The following ADAMTSL3 variants were observed in gnomAD, a reference collection of about 807,000 sequenced individuals.
ADAMTSL3 encodes the protein ADAMTS-like protein 3.
ADAMTSL3 carries 128 observed loss-of-function variants against 201.7 expected under a neutral mutation model. The ratio of observed to expected loss-of-function variants is 0.63; its 90% CI spans 0.55 to 0.73. The LOEUF is 0.73. Among genes scored for constraint, ADAMTSL3 ranks in the 30% least tolerant of loss-of-function variants. The pLI, the probability that ADAMTSL3 is intolerant of heterozygous loss-of-function variation, is 0.00. For synonymous variants in ADAMTSL3, 738 were observed against 748.4 expected (o/e 0.99, Z 0.23); for missense variants, 1,990 against 2,119.6 (o/e 0.94, Z 1.20).
At chr15:83,689,382 G>A (rs2061582956) in intron 2 of ADAMTSL3, among the ~76,000 whole-genome samples, 1 of 152,150 alleles carries the variant, frequency 6.6e-6, no homozygotes, top group Admixed American at 6.5e-5. Flanking sequence ...CAGCAAAGGT[G>A]AATTTAGTTT....
At chr15:83,939,833 G>A (rs894417038) in intron 17 of ADAMTSL3, among the ~76,000 whole-genome samples, 6 of 152,040 alleles carry the variant, frequency 3.9e-5, no homozygotes, top group Non-Finnish European at 8.8e-5. Flanking sequence ...TGTTGGCCAG[G>A]CTGGTCTTGA....
chr15:83,723,302 T>G (rs777820253), intron 3 of ADAMTSL3, among the ~76,000 whole-genome samples: 3 of 152,096 alleles, frequency 2.0e-5, no homozygotes, highest in Admixed American at 2.0e-4. Context: ...GCAAACCCAG[T>G]GCTAGTGATG....
intron 12 of ADAMTSL3, among the ~76,000 whole-genome samples, 190 bp downstream of exon 12, chr15:83,891,569 G>A (rs2065499400): frequency 6.6e-6 from 1 of 152,186 alleles, no homozygotes. Flanking sequence ...TGCCTCAAAA[G>A]ATGATGTTTC....
chr15:84,028,085 G>A (rs2068342549), intron 27 of ADAMTSL3, among the ~76,000 whole-genome samples: 1 of 152,168 alleles, frequency 6.6e-6, no homozygotes. Flanking sequence ...CCGAGGCTTG[G>A]GGAAAGAAGC....
intron 2 of ADAMTSL3, among the ~76,000 whole-genome samples, chr15:83,683,558 A>G (rs1039987456): frequency 9.9e-5 from 15 of 152,210 alleles, no homozygotes; most frequent in African/African-American, 3.6e-4. Flanking sequence ...CCCTCACACA[A>G]TCTAGAGCAG....
chr15:83,879,722 T>C (rs2065237744), intron 9 of ADAMTSL3, among the ~76,000 whole-genome samples: 2 of 152,344 alleles, frequency 1.3e-5, no homozygotes, highest in South Asian at 2.1e-4. Context: ...CAATGTTCTA[T>C]GTATGTCAAT....
chr15:83,745,039 G>A (rs1328924786), intron 3 of ADAMTSL3, among the ~76,000 whole-genome samples: 4 of 152,154 alleles, frequency 2.6e-5, no homozygotes, highest in Non-Finnish European at 5.9e-5. Flanking sequence ...GGCCTGCCCT[G>A]CCCCACATCC....
At chr15:84,028,267 G>GA (rs914470046) in intron 27 of ADAMTSL3, among the ~76,000 whole-genome samples, 2 of 151,850 alleles carry the variant, frequency 1.3e-5, no homozygotes, top group Non-Finnish European at 2.9e-5. Context: ...GCCAAAAAAA[G>GA]AAAAAAGGCA....
At chr15:84,032,982 C>G (rs926011431) in intron 28 of ADAMTSL3, among the ~76,000 whole-genome samples, 5 of 152,132 alleles carry the variant, frequency 3.3e-5, no homozygotes, top group African/African-American at 1.2e-4. Flanking sequence ...GGTTTGCAGT[C>G]TTTTAAAATT....
chr15:83,892,699 T>G lies in ADAMTSL3; in HGVS notation c.1278T>G (p.Pro426=), dbSNP rs755697306. ...TGCTTTTGAGCTGGGAACATAATCCTTGGACTGCATGTTCCGTGTCCTGTG... is the reference window on the plus strand; with the variant it reads ...TGCTTTTGAGCTGGGAACATAATCCGTGGACTGCATGTTCCGTGTCCTGTG... ...FQPLPRWEHN[P]WTACSVSCGG... Residue 426 remains proline (P), a synonymous_variant, in exon 13 of 30, where the codon CCT becomes CCG. Coordinates refer to ENST00000286744, the MANE Select transcript of ADAMTSL3 (RefSeq NM_207517.3). 1.9e-6 allele frequency: 3 copies of G among 1,613,694 alleles called. No individual in the cohort carries two copies. The highest frequency in any genetic ancestry group is 2.5e-6 in the Non-Finnish European group (3 of 1,179,878).
intron 27 of ADAMTSL3, among the ~76,000 whole-genome samples, chr15:84,026,704 CTT>C (rs1596552231): frequency 1.3e-5 from 2 of 152,110 alleles, no homozygotes; most frequent in South Asian, 4.1e-4. Context: ...GAAGAATAGT[CTT>C]TTAAACAAGT....
chr15:83,962,992 C>T (rs1221916982), intron 19 of ADAMTSL3, among the ~76,000 whole-genome samples: 1 of 152,222 alleles, frequency 6.6e-6, no homozygotes, highest in Non-Finnish European at 1.5e-5. Context: ...AGCCCAGGTA[C>T]TACACTTTTC....
rs188019260 is a variant in ADAMTSL3, at chr15:83,911,888, C to T, written c.1701-1204C>T. 2.6e-5 allele frequency among the ~76,000 whole-genome samples: 4 copies of T among 152,254 alleles called. No homozygotes were observed. In the East Asian group the frequency reaches 5.8e-4, roughly 22 times the overall value. ...AGTCATTTAGTAGAACATAATCCCA[C>T]GGACAAGGGTCTATATTCACTTAAG... On this transcript the variant is annotated intron_variant, in intron 15 of 29. Coordinates refer to ENST00000286744, the MANE Select transcript of ADAMTSL3 (RefSeq NM_207517.3).
At chr15:83,790,745 C>T (rs546342287) in intron 4 of ADAMTSL3, among the ~76,000 whole-genome samples, 8 of 152,060 alleles carry the variant, frequency 5.3e-5, no homozygotes, top group Middle Eastern at 3.2e-3. Context: ...TTTTTGTCTA[C>T]GTAGAAAATC....
chr15:83,703,049 A>G (rs1336359254), intron 2 of ADAMTSL3, among the ~76,000 whole-genome samples: 2 of 152,158 alleles, frequency 1.3e-5, no homozygotes, highest in South Asian at 4.2e-4. Context: ...TGACCTGGAC[A>G]TGAGACCTGG....
At chr15:84,030,225 G>T (rs1294156372) in intron 27 of ADAMTSL3, among the ~76,000 whole-genome samples, 1 of 152,152 alleles carries the variant, frequency 6.6e-6, no homozygotes, top group Non-Finnish European at 1.5e-5. Flanking sequence ...GACAGCTTGT[G>T]CTGTGTGCCT....
chr15:83,803,608 A>T (rs975382701), intron 4 of ADAMTSL3, among the ~76,000 whole-genome samples: 21 of 152,162 alleles, frequency 1.4e-4, no homozygotes, highest in African/African-American at 5.1e-4. Context: ...TAAGGAGTTT[A>T]TGTAAAATAT....
intron 25 of ADAMTSL3, among the ~76,000 whole-genome samples, chr15:84,016,922 A>G (rs903378776): frequency 6.6e-6 from 1 of 152,170 alleles, no homozygotes; most frequent in African/African-American, 2.4e-5. Flanking sequence ...AATCAGGAGA[A>G]CCTAATCTAA....
chr15:83,821,943 C>T (rs1451165146), intron 6 of ADAMTSL3, among the ~76,000 whole-genome samples: 2 of 148,114 alleles, frequency 1.4e-5, no homozygotes, highest in South Asian at 2.2e-4. Context: ...CCAGTAGGGG[C>T]GGCCGGGCAG....
Sources: gnomAD v4.1 joint callset for allele counts (sites outside exome capture counted in the v4.1 genomes callset) on GRCh38, gnomAD v4.1.1 for gene constraint, MANE v1.5 for transcripts, NCBI Gene and HGNC (gene_info 2026-07-23, HGNC 2026-07-21) for gene names.